The following ABTB3 variants were observed in gnomAD, a reference collection of about 807,000 sequenced individuals.
ABTB3 encodes ankyrin repeat- and BTB/POZ domain-containing protein 3.
chr12:107,416,822 G>T, the ABTB3 span, among the ~76,000 whole-genome samples: 1 of 152,082 alleles, frequency 6.6e-6, no homozygotes, highest in Non-Finnish European at 1.5e-5. Flanking sequence ...TGTAGACATG[G>T]GGGTCTCACT....
chr12:107,353,258 G>C, the ABTB3 span, among the ~76,000 whole-genome samples: 1 of 148,292 alleles, frequency 6.7e-6, no homozygotes, highest in African/African-American at 2.6e-5. Context: ...CCAGCATGGT[G>C]GGGGGGAGAT....
chr12:107,629,152 C>CA, the ABTB3 span, among the ~76,000 whole-genome samples: 16 of 152,166 alleles, frequency 1.1e-4, no homozygotes, highest in Admixed American at 8.5e-4. Context: ...CGTGGTGGCT[C>CA]ATGCCTGTAA....
the ABTB3 span, among the ~76,000 whole-genome samples, chr12:107,341,222 G>T: frequency 6.6e-6 from 1 of 152,196 alleles, no homozygotes; most frequent in African/African-American, 2.4e-5. Flanking sequence ...GACACACTGT[G>T]CTGTCTTCAT....
At chr12:107,638,546 G>A in the ABTB3 span, among the ~76,000 whole-genome samples, 3 of 152,136 alleles carry the variant, frequency 2.0e-5, no homozygotes, top group African/African-American at 7.2e-5. Context: ...CAACAAAGGG[G>A]CCTCCAGGCT....
At chr12:107,360,067 T>C in the ABTB3 span, among the ~76,000 whole-genome samples, 18 of 152,304 alleles carry the variant, frequency 1.2e-4, no homozygotes, top group African/African-American at 4.3e-4. Flanking sequence ...AATCCAGTGA[T>C]AAGAGATAGT....
the ABTB3 span, among the ~76,000 whole-genome samples, chr12:107,474,619 G>A: frequency 3.2e-4 from 49 of 152,210 alleles, no homozygotes; most frequent in African/African-American, 1.1e-3. Context: ...GGCATTGGAG[G>A]GAAATCCAGA....
the ABTB3 span, among the ~76,000 whole-genome samples, chr12:107,653,195 T>A: frequency 6.6e-6 from 1 of 152,206 alleles, no homozygotes; most frequent in Non-Finnish European, 1.5e-5. Flanking sequence ...TGCACGTGAA[T>A]GACGCTCCTA....
At chr12:107,513,847 C>T in the ABTB3 span, among the ~76,000 whole-genome samples, 2 of 152,254 alleles carry the variant, frequency 1.3e-5, no homozygotes, top group South Asian at 2.1e-4. Context: ...CATGGTTGGC[C>T]CAGGGTTCTG....
At chr12:107,523,379 C>T in the ABTB3 span, among the ~76,000 whole-genome samples, 1 of 152,336 alleles carries the variant, frequency 6.6e-6, no homozygotes, top group East Asian at 1.9e-4. Flanking sequence ...CTGGTCAGTC[C>T]TGGGATTCTT....
the ABTB3 span, among the ~76,000 whole-genome samples, chr12:107,605,352 G>A: frequency 6.6e-6 from 1 of 152,158 alleles, no homozygotes; most frequent in Non-Finnish European, 1.5e-5. Flanking sequence ...CACAAACTGT[G>A]AAAAATGCTA....
At chr12:107,577,569 C>T in the ABTB3 span, among the ~76,000 whole-genome samples, 1 of 152,102 alleles carries the variant, frequency 6.6e-6, no homozygotes, top group African/African-American at 2.4e-5. Flanking sequence ...CCTGAGCTGA[C>T]ATGCTGGCTT....
the ABTB3 span, among the ~76,000 whole-genome samples, chr12:107,486,048 G>A: frequency 6.6e-6 from 1 of 152,188 alleles, no homozygotes; most frequent in Non-Finnish European, 1.5e-5. Flanking sequence ...ATTTGGTGCT[G>A]TGGTTTGGAT....
the ABTB3 span, among the ~76,000 whole-genome samples, chr12:107,526,773 G>A: frequency 6.6e-6 from 1 of 152,048 alleles, no homozygotes; most frequent in Admixed American, 6.5e-5. Context: ...AGGTTTTCTG[G>A]GTTGTCTCTC....
the ABTB3 span, among the ~76,000 whole-genome samples, chr12:107,463,166 G>A: frequency 6.6e-6 from 1 of 150,816 alleles, no homozygotes; most frequent in African/African-American, 2.5e-5. Context: ...AATGATGAGG[G>A]TGGTGGTGGT....
At chr12:107,655,146 G>T in the ABTB3 span, among the ~76,000 whole-genome samples, 11 of 152,074 alleles carry the variant, frequency 7.2e-5, no homozygotes, top group African/African-American at 2.7e-4. Context: ...TTCGTTGTCA[G>T]GCAGCTTCTG....
At chr12:107,607,667 TG>T in the ABTB3 span, among the ~76,000 whole-genome samples, 1 of 152,160 alleles carries the variant, frequency 6.6e-6, no homozygotes, top group African/African-American at 2.4e-5. Flanking sequence ...CTCCAGTCCT[TG>T]GAGTCCGTCT....
the ABTB3 span, among the ~76,000 whole-genome samples, chr12:107,353,301 G>A: frequency 2.0e-5 from 3 of 152,252 alleles, no homozygotes; most frequent in Non-Finnish European, 4.4e-5. Context: ...GAGCCGTCAA[G>A]GAACTCACTA....
the ABTB3 span, among the ~76,000 whole-genome samples, chr12:107,645,771 C>A: frequency 6.6e-6 from 1 of 152,196 alleles, no homozygotes; most frequent in South Asian, 2.1e-4. Flanking sequence ...CCATGGGAAA[C>A]GGCAGTCCCC....
At chr12:107,478,952 C>A in the ABTB3 span, among the ~76,000 whole-genome samples, 49,944 of 152,048 alleles carry the variant, frequency 0.33, 10,864 homozygotes, top group African/African-American at 0.62. Context: ...CTAATAGGGG[C>A]AATAGGACTT....
Sources: allele counts gnomAD v4.1 joint callset (sites outside exome capture counted in the v4.1 genomes callset), GRCh38; gene constraint gnomAD v4.1.1; transcripts MANE v1.5; gene names NCBI Gene and HGNC (gene_info 2026-07-23, HGNC 2026-07-21).